Variants in MYO16 observed in about 807,000 individuals in gnomAD.
The protein encoded by MYO16 is unconventional myosin-XVI.
MYO16 carries 94 observed loss-of-function variants against 205.3 expected under a neutral mutation model. That is an observed-to-expected ratio of 0.46 (90% CI 0.39 to 0.54). The LOEUF (loss-of-function observed/expected upper bound fraction) is 0.54. MYO16 is among the 20% of genes least tolerant of loss of function. The probability of loss-of-function intolerance (pLI) is 0.00; values close to 1 mark genes in which losing one functional copy is unlikely to be tolerated. For synonymous variants in MYO16, 988 were observed against 954.0 expected, an observed-to-expected ratio of 1.04 and a Z score of -0.66; for missense variants, 2,315 against 2,387.5, an observed-to-expected ratio of 0.97 and a Z score of 0.63.
chr13:108,685,363 C>CA (rs1882636501), intron 2 of MYO16, among the ~76,000 whole-genome samples: 2 of 152,114 alleles, frequency 1.3e-5, no homozygotes, highest in Admixed American at 6.5e-5. Context: ...GTACTGGCTA[C>CA]AACCTGGGGC....
chr13:108,974,216 T>C (rs1438302567), intron 20 of MYO16, among the ~76,000 whole-genome samples: 1 of 152,192 alleles, frequency 6.6e-6, no homozygotes, highest in African/African-American at 2.4e-5. Context: ...GGATTTCAAA[T>C]ATAAGAGAAT....
intron 7 of MYO16, among the ~76,000 whole-genome samples, chr13:108,815,515 C>T (rs1304616883): frequency 6.6e-6 from 1 of 152,056 alleles, no homozygotes; most frequent in African/African-American, 2.4e-5. Flanking sequence ...GACCATTAAC[C>T]AAGGAATGTG....
rs1594101396 is a variant in MYO16 at position 109,118,989 on chromosome 13, G to T, written c.3439-1381G>T. Among the ~76,000 whole-genome samples the T allele has an allele frequency of 2.0e-5, 3 of 152,278 alleles. No homozygotes were observed. In the South Asian group the frequency reaches 6.2e-4, roughly 32 times the overall value. On this transcript the variant is annotated intron_variant, in intron 28 of 34. Coordinates refer to ENST00000457511, the MANE Select transcript of MYO16 (RefSeq NM_001198950.3). ...CCAGTAGTTAAGAGCTTTCCCCATT[G>T]ATCTAACTAATTAGCCTGACTGTCA... is the stretch of plus-strand genomic sequence containing the variant.
At chr13:108,869,070 T>G (rs946477953) in intron 12 of MYO16, among the ~76,000 whole-genome samples, 1 of 152,216 alleles carries the variant, frequency 6.6e-6, no homozygotes, top group African/African-American at 2.4e-5. Context: ...TCATCCACCT[T>G]TGGTCTTCAA....
intron 1 of MYO16, among the ~76,000 whole-genome samples, chr13:108,652,936 T>G (rs1038133837): frequency 6.6e-6 from 1 of 152,230 alleles, no homozygotes; most frequent in Non-Finnish European, 1.5e-5. Context: ...ATATGATAGT[T>G]GAAGTTTTCA....
intron 1 of MYO16, among the ~76,000 whole-genome samples, chr13:108,638,590 G>A (rs9284244): frequency 0.33 from 50,615 of 151,734 alleles, 8,478 homozygotes; most frequent in South Asian, 0.43. Flanking sequence ...TTGCTTTTCT[G>A]AAAATAATTG....
intron 23 of MYO16, among the ~76,000 whole-genome samples, chr13:109,043,394 C>T (rs935226290): frequency 4.0e-5 from 6 of 151,874 alleles, no homozygotes; most frequent in South Asian, 2.1e-4. Context: ...TCCAGTTGTG[C>T]GTGTGTGTGC....
intron 1 of MYO16, among the ~76,000 whole-genome samples, chr13:108,615,099 G>A (rs118066796): frequency 0.012 from 1,880 of 151,980 alleles, 44 homozygotes; most frequent in South Asian, 0.087. Flanking sequence ...AGTGACTCTT[G>A]CAATATAACA....
At chr13:108,630,373 A>C (rs1158806266) in intron 1 of MYO16, among the ~76,000 whole-genome samples, 1 of 152,162 alleles carries the variant, frequency 6.6e-6, no homozygotes, top group Non-Finnish European at 1.5e-5. Flanking sequence ...TGTATCATTC[A>C]CCTTGCGGTG....
intron 24 of MYO16, among the ~76,000 whole-genome samples, chr13:109,050,197 CATT>C (rs1183219160): frequency 6.6e-6 from 1 of 152,118 alleles, no homozygotes; most frequent in Admixed American, 6.5e-5. Context: ...AATTCAGGAT[CATT>C]GATTGCATTT....
intron 29 of MYO16, among the ~76,000 whole-genome samples, chr13:109,123,470 A>T (rs1426935595): frequency 2.0e-5 from 3 of 152,154 alleles, no homozygotes; most frequent in Admixed American, 1.3e-4. Flanking sequence ...ACAAGAAAGA[A>T]CGAGTGAACA....
the MYO16 span, among the ~76,000 whole-genome samples, chr13:108,559,791 G>A: frequency 1.3e-5 from 2 of 151,988 alleles, no homozygotes; most frequent in East Asian, 3.9e-4. Flanking sequence ...TTCTGTGGCA[G>A]CCCTAAAAAC....
At chr13:108,827,357 T>C (rs1769468331) in intron 9 of MYO16, among the ~76,000 whole-genome samples, 1 of 152,206 alleles carries the variant, frequency 6.6e-6, no homozygotes, top group Non-Finnish European at 1.5e-5. Flanking sequence ...AGTAAACTCA[T>C]ATTTATTGTT....
chr13:108,706,165 G>C (rs1204879623), intron 2 of MYO16, among the ~76,000 whole-genome samples: 1 of 152,036 alleles, frequency 6.6e-6, no homozygotes, highest in East Asian at 1.9e-4. Context: ...CTTCTACCAG[G>C]TAATTAAAAT....
At position 109,127,134 on chromosome 13, in the gene MYO16, G is replaced by C. The variant is rs1217958404; in HGVS notation, c.3783-148G>C. ...CCTTCTCTGGACCAACTGGTCACCA[G>C]AGGGCTGCACACGTCCTCCAGCCAC... is the stretch of plus-strand genomic sequence containing the variant. On this transcript the variant is annotated intron_variant, in intron 30 of 34. Transcript: ENST00000457511. The surrounding 1 kb of genome is among the most constrained non-coding windows in gnomAD (Gnocchi z 4.2). 1 of 1,082,250 alleles carries C rather than the reference G, an allele frequency of 9.2e-7. No homozygotes were observed. The highest frequency in any genetic ancestry group is 1.6e-5 in the African/African-American group (1 of 62,968). The allele number at this position is 1,082,250 out of a possible 1,614,324, so 67.0% of individuals were successfully genotyped here.
At chr13:108,881,742 G>A (rs1039509297) in intron 12 of MYO16, among the ~76,000 whole-genome samples, 4 of 148,940 alleles carry the variant, frequency 2.7e-5, no homozygotes, top group African/African-American at 7.4e-5. Flanking sequence ...GAGAAGTTTA[G>A]AGAAAAAAGA....
intron 33 of MYO16, among the ~76,000 whole-genome samples, chr13:109,177,135 C>T (rs1284355495): frequency 6.6e-6 from 1 of 152,106 alleles, no homozygotes; most frequent in African/African-American, 2.4e-5. Context: ...TCCTCCTCCT[C>T]GAAGGCCCAG....
chr13:108,708,059 G>A (rs1883581667), intron 2 of MYO16, among the ~76,000 whole-genome samples: 1 of 152,164 alleles, frequency 6.6e-6, no homozygotes, highest in African/African-American at 2.4e-5. Flanking sequence ...TTCACAGAGG[G>A]TGAGGGGGTG....
chr13:108,865,419 T>C (rs909968538), intron 11 of MYO16, among the ~76,000 whole-genome samples: 3 of 152,272 alleles, frequency 2.0e-5, no homozygotes, highest in South Asian at 4.1e-4. Context: ...TTATTTCTGG[T>C]ACTGCTTCCA....
Sources: gnomAD v4.1 joint callset for allele counts (sites outside exome capture counted in the v4.1 genomes callset) on GRCh38, gnomAD v4.1.1 for gene constraint, Gnocchi (gnomAD v3.1) non-coding constraint, MANE v1.5 for transcripts, NCBI Gene and HGNC (gene_info 2026-07-23, HGNC 2026-07-21) for gene names.